SLU7: variants seen among roughly 807,000 people sequenced by gnomAD.
SLU7 encodes pre-mRNA-splicing factor SLU7.
A neutral mutation model predicts 87.0 loss-of-function variants in SLU7; 60 were observed. That is an observed-to-expected ratio of 0.69 (90% CI 0.56 to 0.86). The LOEUF (loss-of-function observed/expected upper bound fraction) is 0.86. Among genes scored for constraint, SLU7 ranks in the 40% least tolerant of loss-of-function variants. The pLI, the probability that SLU7 is intolerant of heterozygous loss-of-function variation, is 0.00. For missense variants in SLU7, 507 were observed against 686.6 expected, an observed-to-expected ratio of 0.74 and a Z score of 2.92; for synonymous variants, 197 against 222.0, an observed-to-expected ratio of 0.89 and a Z score of 1.00.
intron 6 of SLU7, 48 bp downstream of exon 6, chr5:160,412,403 T>C: frequency 9.0e-7 from 1 of 1,117,034 alleles, no homozygotes; most frequent in South Asian, 1.3e-5. Context: ...TTTCATTTCT[T>C]TGTTTAAAAG....
intron 6 of SLU7, among the ~76,000 whole-genome samples, chr5:160,410,233 T>A (rs1765175918): frequency 6.6e-6 from 1 of 152,240 alleles, no homozygotes; most frequent in Admixed American, 6.5e-5. Context: ...TTTTCTTTTT[T>A]ATATTATGTT....
chr5:160,410,575 A>T (rs1336004305), intron 6 of SLU7, among the ~76,000 whole-genome samples: 1 of 152,218 alleles, frequency 6.6e-6, no homozygotes, highest in East Asian at 1.9e-4. Flanking sequence ...TATAAAAAAA[A>T]AATAATCCAA....
At position 160,406,543 on chromosome 5, in the gene SLU7, C is replaced by CCCAT. The variant is rs1456917914; in HGVS notation, c.1208_1211dup (p.Thr405TrpfsTer15). Reference sequence around the variant, plus strand: ...CCCGCTCCTGTCCTTTGATGACTGTCCCATGTCTTGAGTACTCCACATAGT... The same window carrying CCCAT: ...CCCGCTCCTGTCCTTTGATGACTGTCCCATCCATGTCTTGAGTACTCCACATAGT... On this transcript the variant is annotated frameshift_variant, in exon 12 of 16. Transcript: ENST00000297151. LOFTEE classifies it high-confidence loss of function. 1.9e-6 allele frequency: 3 copies of CCCAT among 1,613,572 alleles called. No individual in the cohort carries two copies. Among genetic ancestry groups the CCCAT allele is most frequent in the Non-Finnish European group, 2.5e-6 (3 of 1,179,748 alleles).
chr5:160,411,417 C>T (rs1765230588), intron 6 of SLU7, among the ~76,000 whole-genome samples: 1 of 152,106 alleles, frequency 6.6e-6, no homozygotes, highest in Non-Finnish European at 1.5e-5. Flanking sequence ...TGAGGTTTCA[C>T]CATGTTAGCC....
intron 7 of SLU7, 65 bp downstream of exon 7, chr5:160,408,581 GTTAT>G (rs757496207): frequency 1.0e-4 from 139 of 1,374,592 alleles, no homozygotes; most frequent in South Asian, 1.7e-4. Flanking sequence ...TATTATTAGT[GTTAT>G]TTATTATTAG....
At position 160,407,786 on chromosome 5, in the gene SLU7, A is replaced by G. The variant is rs1310128537; in HGVS notation, c.945T>C (p.Val315=). ...TTGAAATGGTATCTCCTGTGTACCT[A>G]ACAAAGTTATCTCCAGCATAACTCA... The part of the protein sequence containing the change: ...DEVSYAGDNF[V]RYTGDTISMA... Residue 315 remains valine, a synonymous_variant, in exon 10 of 16, where the codon GTT becomes GTC. Transcript: ENST00000297151. This position sits in a 1 kb window ranked among gnomAD's most constrained non-coding sequence, Gnocchi z 4.2. The G allele has an allele frequency of 1.6e-5, 26 of 1,612,982 alleles. No individual in the cohort carries two copies. The highest frequency in any genetic ancestry group is 2.1e-5 in the Non-Finnish European group (25 of 1,178,984).
At position 160,408,675 on chromosome 5, in the gene SLU7, C is replaced by A; in HGVS notation, c.662G>T (p.Gly221Val). 2 of 1,570,628 alleles carry A rather than the reference C, an allele frequency of 1.3e-6. No individual in the cohort carries two copies. The highest frequency in any genetic ancestry group is 1.2e-5 in the South Asian group (1 of 85,792). The change falls in exon 7 of 16, where the codon GGA (glycine) becomes GTA (valine). Residue 221 changes from glycine to valine, a missense_variant. Physicochemically the swap from Gly to Val is moderately radical, Grantham distance 109. Transcript: ENST00000297151. ...EQANSPKHQW[G>V]EEEPNSQMEK... ...CATCTGAGAATTTGGTTCCTCTTCT[C>A]CCCACTGGTGTTTTGGAGAATTCTG...
chr5:160,415,100 A>G, intron 2 of SLU7, 25 bp downstream of exon 2: 2 of 1,552,210 alleles, frequency 1.3e-6, no homozygotes, highest in South Asian at 2.4e-5. Context: ...GAATGAATGG[A>G]TCATACAAAA....
At chr5:160,414,083 A>T in intron 3 of SLU7, 104 bp from the exon 4 acceptor site, 1 of 787,690 alleles carries the variant, frequency 1.3e-6, no homozygotes, top group South Asian at 2.3e-5. Flanking sequence ...TTCTTTGTTA[A>T]AAGGAAAATA....
intron 14 of SLU7, 45 bp from the exon 15 acceptor site, chr5:160,404,601 A>T: frequency 7.4e-7 from 1 of 1,342,730 alleles, no homozygotes; most frequent in Non-Finnish European, 1.1e-6. Context: ...GTGAAAACAA[A>T]GCTCAGGTGC....
intron 6 of SLU7, among the ~76,000 whole-genome samples, chr5:160,410,712 T>A (rs1376991720): frequency 1.3e-5 from 2 of 152,212 alleles, no homozygotes; most frequent in African/African-American, 4.8e-5. Context: ...AGGCCCTTTT[T>A]CTTTTCCCAA....
rs567243288 is a variant in SLU7, at chr5:160,409,057, C to T, written c.640-360G>A. ...AAGAGAATTTTAATTAAGATTATAA[C>T]CACAAAATGGTAACAGAAAGATTAA... is the stretch of plus-strand genomic sequence containing the variant. On this transcript the variant is annotated intron_variant, in intron 6 of 15. Coordinates refer to ENST00000297151, the MANE Select transcript of SLU7 (RefSeq NM_006425.5). Among the ~76,000 whole-genome samples the T allele has an allele frequency of 2.0e-5, 3 of 151,616 alleles. No individual in the cohort carries two copies. The East Asian group carries it at 5.8e-4, about 29-fold the overall frequency.
At chr5:160,416,707 C>A (rs1032041995) in intron 1 of SLU7, among the ~76,000 whole-genome samples, 15 of 152,206 alleles carry the variant, frequency 9.9e-5, no homozygotes, top group Non-Finnish European at 2.1e-4. Flanking sequence ...ACTGCTACCA[C>A]CCTAGTGTAA....
rs906990986 is a variant in SLU7, at chr5:160,401,879, T to C, written c.*1406A>G. 6 of 152,362 alleles carry C rather than the reference T, an allele frequency of 3.9e-5. No homozygotes were observed. The highest frequency in any genetic ancestry group is 3.9e-4 in the East Asian group (2 of 5,192). 9.4% of individuals were successfully genotyped at this position (152,362 alleles called of 1,614,324 possible). A position where few individuals can be genotyped will look rare whatever the true frequency, so the allele number is the denominator to read the frequency against. On this transcript the variant is annotated 3_prime_UTR_variant, in exon 16 of 16. Coordinates refer to ENST00000297151, the MANE Select transcript of SLU7 (RefSeq NM_006425.5). ...AATTTGACTCAGTTACTCACACCAC[T>C]GTTTCTGAGATGCTGACTTAATGCA... is the stretch of plus-strand genomic sequence containing the variant.
At position 160,407,814 on chromosome 5, in the gene SLU7, C is replaced by T; in HGVS notation, c.918-1G>A. 4.4e-6 allele frequency: 7 copies of T among 1,605,340 alleles called. No homozygotes were observed. The highest frequency in any genetic ancestry group is 6.0e-6 in the Non-Finnish European group (7 of 1,172,714). On this transcript the variant is annotated splice_acceptor_variant, in intron 9 of 15. Transcript: ENST00000297151. LOFTEE classifies it high-confidence loss of function. This position sits in a 1 kb window ranked among gnomAD's most constrained non-coding sequence, Gnocchi z 4.2. Reference sequence around the variant, plus strand: ...AAAGTTATCTCCAGCATAACTCACTCTGTAAATACAAATAAAGAAAATGTT... The same window carrying T: ...AAAGTTATCTCCAGCATAACTCACTTTGTAAATACAAATAAAGAAAATGTT...
At chr5:160,410,231 T>C (rs909849763) in intron 6 of SLU7, among the ~76,000 whole-genome samples, 6 of 152,208 alleles carry the variant, frequency 3.9e-5, no homozygotes, top group Non-Finnish European at 7.4e-5. Context: ...TATTTTCTTT[T>C]TTATATTATG....
chr5:160,403,389 T>C lies in SLU7; in HGVS notation c.1657A>G (p.Asn553Asp), dbSNP rs1764867760. Residue 553 changes from asparagine to aspartate, a missense_variant, in exon 16 of 16, where the codon AAT (asparagine) becomes GAT (aspartate). Coordinates refer to ENST00000297151, the MANE Select transcript of SLU7 (RefSeq NM_006425.5). ...GGTTCTCGAGTTTCATACATGCTAT[T>C]GTAAGGCCGCTTCCTCTCATCAATC... is the stretch of plus-strand genomic sequence containing the variant. ...MQIDERKRPY[N>D]SMYETREPTE... The C allele has an allele frequency of 1.2e-6, 2 of 1,613,520 alleles. No homozygotes were observed. Among genetic ancestry groups the C allele is most frequent in the East Asian group, 2.2e-5 (1 of 44,824 alleles).
chr5:160,415,215 T>C lies in SLU7; in HGVS notation c.80A>G (p.Lys27Arg). 1 of 1,611,952 alleles carries C rather than the reference T, an allele frequency of 6.2e-7. No homozygotes were observed. The highest frequency in any genetic ancestry group is 8.5e-7 in the Non-Finnish European group (1 of 1,179,136). Reference sequence around the variant, plus strand: ...CTTTCTCCAGTCCTCTCTGGTCATCTTCTTTGGTTCTTCCAAACTCATTTC... The same window carrying C: ...CTTTCTCCAGTCCTCTCTGGTCATCCTCTTTGGTTCTTCCAAACTCATTTC... ...SKEMSLEEPKKMTREDWRKKK... is the reference protein window; with the variant it reads ...SKEMSLEEPKRMTREDWRKKK... Residue 27 changes from lysine (K) to arginine (R), a missense_variant, in exon 2 of 16, where the codon AAG (lysine) becomes AGG (arginine). Transcript: ENST00000297151.
At chr5:160,409,365 G>A (rs1004667495) in intron 6 of SLU7, among the ~76,000 whole-genome samples, 24 of 16,954 alleles carry the variant, frequency 1.4e-3, no homozygotes, top group African/African-American at 2.6e-3. Flanking sequence ...CACTAACGTG[G>A]TATTTCATCA....
Sources: gnomAD v4.1 joint callset for allele counts (sites outside exome capture counted in the v4.1 genomes callset) on GRCh38, gnomAD v4.1.1 for gene constraint, Gnocchi (gnomAD v3.1) non-coding constraint, MANE v1.5 for transcripts, NCBI Gene and HGNC (gene_info 2026-07-23, HGNC 2026-07-21) for gene names.